The following SYNE1 variants were observed in gnomAD, a reference collection of about 807,000 sequenced individuals.
SYNE1 encodes the protein nesprin-1.
In SYNE1, 616 loss-of-function variants were observed where a neutral mutation model predicts 1,111.0. The observed-to-expected ratio is 0.55, with a 90% CI of 0.52 to 0.59. The LOEUF (loss-of-function observed/expected upper bound fraction) is 0.59, where lower values mean the gene tolerates loss of function less well. SYNE1 is among the 20% of genes least tolerant of loss of function. The pLI, the probability that SYNE1 is intolerant of heterozygous loss-of-function variation, is 0.00. For missense variants in SYNE1, 10,006 were observed against 10,417.0 expected (o/e 0.96, Z 1.72); for synonymous variants, 3,855 against 3,825.8 (o/e 1.01, Z -0.28).
At chr6:152,448,404 C>T (rs1378503928) in intron 28 of SYNE1, among the ~76,000 whole-genome samples, 1 of 152,194 alleles carries the variant, frequency 6.6e-6, no homozygotes, top group Non-Finnish European at 1.5e-5. Context: ...ACTGTTGGTT[C>T]CAGACCCCAG....
At chr6:152,425,581 A>G in intron 38 of SYNE1, 34 bp from the exon 39 acceptor site, 2 of 1,613,668 alleles carry the variant, frequency 1.2e-6, no homozygotes, top group Non-Finnish European at 1.7e-6. Flanking sequence ...ATCTCATCCT[A>G]ACAGGACTGA....
At chr6:152,527,427 C>T (rs1433917540) in intron 4 of SYNE1, among the ~76,000 whole-genome samples, 1 of 152,134 alleles carries the variant, frequency 6.6e-6, no homozygotes, top group East Asian at 1.9e-4. Context: ...TCAAATTCCA[C>T]CATTCACGCT....
chr6:152,306,490 AT>A (rs2153826291), intron 91 of SYNE1, among the ~76,000 whole-genome samples: 2 of 53,826 alleles, frequency 3.7e-5, no homozygotes, highest in Non-Finnish European at 7.7e-5. Context: ...CATCTAAAAA[AT>A]AAATAAATAA....
rs758276004 is a variant in SYNE1, at chr6:152,141,219, G to A, written c.25230C>T (p.Thr8410=). The A allele has an allele frequency of 1.7e-5, 27 of 1,613,956 alleles. No homozygotes were observed. Among genetic ancestry groups the A allele is most frequent in the East Asian group, 1.6e-4 (7 of 44,886 alleles). ...CGCACTCACCAGCCGTTTGGGTTTC[G>A]GTACTATGCAGGTTAACAAAGCCAG... is the stretch of plus-strand genomic sequence containing the variant. ...SLPGFVNLHS[T]ETQTAGVIDR... is the part of the protein sequence containing the mutation. Residue 8410 remains threonine (T), a synonymous_variant, in exon 139 of 146, where the codon ACC becomes ACT. Transcript: ENST00000367255.
At chr6:152,323,842 T>C in intron 81 of SYNE1, 105 bp from the exon 82 acceptor site, 2 of 1,330,872 alleles carry the variant, frequency 1.5e-6, no homozygotes, top group South Asian at 1.2e-5. Context: ...CAATTAAAGA[T>C]GATGATATAA....
At chr6:152,371,911 A>G (rs2097195162) in intron 59 of SYNE1, among the ~76,000 whole-genome samples, 1 of 68,342 alleles carries the variant, frequency 1.5e-5, no homozygotes, top group African/African-American at 4.3e-5. Context: ...AGGAAAGGAA[A>G]GGAAAGGAAA....
At chr6:152,132,529 G>A (rs1191356265) in intron 143 of SYNE1, among the ~76,000 whole-genome samples, 1 of 152,182 alleles carries the variant, frequency 6.6e-6, no homozygotes, top group Non-Finnish European at 1.5e-5. Context: ...TGGCTTGGGA[G>A]GGGAAGACAC....
chr6:152,139,600 G>A (rs1438794567), intron 140 of SYNE1, among the ~76,000 whole-genome samples: 3 of 140,888 alleles, frequency 2.1e-5, no homozygotes, highest in African/African-American at 8.0e-5. Flanking sequence ...AGGAAGGAAG[G>A]GAGGGAGGGG....
In SYNE1 at chr6:152,430,617, T is replaced by A; in HGVS notation, c.4554A>T (p.Glu1518Asp). Reference sequence around the variant, plus strand: ...TCAACTTGGCTTTAATTCGAGCAGATTCTCCAGTGGTAACAAACTGAGCAA... The same window carrying A: ...TCAACTTGGCTTTAATTCGAGCAGAATCTCCAGTGGTAACAAACTGAGCAA... ...QSFAQFVTTG[E>D]SARIKAKLTQ... Residue 1518 changes from glutamate to aspartate, a missense_variant, in exon 35 of 146, where the codon GAA becomes GAT. Transcript: ENST00000367255. 1 of 1,614,146 alleles carries A rather than the reference T, an allele frequency of 6.2e-7. No individual in the cohort carries two copies. The highest frequency in any genetic ancestry group is 8.5e-7 in the Non-Finnish European group (1 of 1,179,994).
intron 3 of SYNE1, among the ~76,000 whole-genome samples, chr6:152,618,758 T>C (rs554629243): frequency 2.0e-5 from 3 of 152,208 alleles, no homozygotes; most frequent in Admixed American, 1.3e-4. Flanking sequence ...AAATTGTACA[T>C]GGATAATTTG....
chr6:152,627,109 T>A (rs374495556), intron 3 of SYNE1, among the ~76,000 whole-genome samples: 1 of 152,272 alleles, frequency 6.6e-6, no homozygotes, highest in African/African-American at 2.4e-5. Context: ...AATTGGGGTA[T>A]TTTTATACCT....
At chr6:152,512,854 G>C (rs893020863) in intron 6 of SYNE1, among the ~76,000 whole-genome samples, 3 of 152,160 alleles carry the variant, frequency 2.0e-5, no homozygotes, top group African/African-American at 7.2e-5. Context: ...TAGCCTAGGA[G>C]GGTAGGATGG....
At chr6:152,177,450 C>T (rs968522427) in intron 129 of SYNE1, among the ~76,000 whole-genome samples, 1 of 152,156 alleles carries the variant, frequency 6.6e-6, no homozygotes, top group African/African-American at 2.4e-5. Flanking sequence ...AATAGTTTCT[C>T]AGCAAAATAA....
At chr6:152,167,056 A>G (rs945180997) in intron 130 of SYNE1, among the ~76,000 whole-genome samples, 4 of 152,214 alleles carry the variant, frequency 2.6e-5, no homozygotes, top group Admixed American at 1.3e-4. Flanking sequence ...CATTCAAATT[A>G]GATACTTGCA....
intron 46 of SYNE1, 112 bp downstream of exon 46, chr6:152,404,101 T>TGA (rs1249495577): frequency 1.7e-5 from 8 of 474,502 alleles, no homozygotes; most frequent in African/African-American, 1.0e-4. Flanking sequence ...TATAGATATA[T>TGA]GAGATATATA....
At chr6:152,207,946 T>G in intron 125 of SYNE1, 26 bp downstream of exon 125, 205 of 1,610,028 alleles carry the variant, frequency 1.3e-4, no homozygotes, top group Middle Eastern at 1.7e-4. Context: ...CTAAGAGGTG[T>G]GAGAACACTG....
chr6:152,300,858 C>CA, intron 92 of SYNE1, 77 bp from the exon 93 acceptor site: 2 of 1,602,150 alleles, frequency 1.2e-6, no homozygotes, highest in Non-Finnish European at 1.7e-6. Flanking sequence ...AGGCACAGGC[C>CA]AAAACAGAGT....
intron 3 of SYNE1, among the ~76,000 whole-genome samples, chr6:152,587,837 T>C (rs1307715010): frequency 1.3e-5 from 2 of 152,302 alleles, no homozygotes; most frequent in South Asian, 2.1e-4. Flanking sequence ...ATCACAGAAA[T>C]GGTTTTAAAA....
At chr6:152,296,657 A>G (rs1278824239) in intron 93 of SYNE1, among the ~76,000 whole-genome samples, 1 of 152,230 alleles carries the variant, frequency 6.6e-6, no homozygotes, top group Non-Finnish European at 1.5e-5. Context: ...TGACCTGCAC[A>G]TATTTAGTGT....
Sources: allele counts gnomAD v4.1 joint callset (sites outside exome capture counted in the v4.1 genomes callset), GRCh38; gene constraint gnomAD v4.1.1; transcripts MANE v1.5; gene names NCBI Gene and HGNC (gene_info 2026-07-23, HGNC 2026-07-21).